The following SGPL1 variants were observed in gnomAD, a reference collection of about 807,000 sequenced individuals.
The protein encoded by SGPL1 is SP-lyase 1.
A neutral mutation model predicts 68.9 loss-of-function variants in SGPL1; 37 were observed. That is an observed-to-expected ratio of 0.54 (90% CI 0.41 to 0.71). The LOEUF (loss-of-function observed/expected upper bound fraction) is 0.71, where lower values mean the gene tolerates loss of function less well. Ranked by LOEUF, SGPL1 falls within the 30% of genes least tolerant of loss-of-function variation. The probability of loss-of-function intolerance (pLI) is 0.00; values close to 1 mark genes in which losing one functional copy is unlikely to be tolerated. For synonymous variants in SGPL1, 236 were observed against 248.5 expected, an observed-to-expected ratio of 0.95 and a Z score of 0.47; for missense variants, 551 against 704.6, an observed-to-expected ratio of 0.78 and a Z score of 2.47.
At chr10:70,852,262 G>A (rs1415769724) in intron 4 of SGPL1, among the ~76,000 whole-genome samples, 1 of 152,138 alleles carries the variant, frequency 6.6e-6, no homozygotes, top group East Asian at 1.9e-4. Context: ...TTAACCTTTG[G>A]CTGAAATCCA....
chr10:70,870,940 C>A, intron 9 of SGPL1, 108 bp from the exon 10 acceptor site: 1 of 803,698 alleles, frequency 1.2e-6, no homozygotes, highest in Non-Finnish European at 2.1e-6. Context: ...GGAGGGGGTA[C>A]TGGTGGAACT....
chr10:70,854,603 C>T, intron 4 of SGPL1, 105 bp from the exon 5 acceptor site: 1 of 911,898 alleles, frequency 1.1e-6, no homozygotes, highest in Non-Finnish European at 1.7e-6. Context: ...AGTTTAGTTA[C>T]TTGTGCGGTG....
chr10:70,850,148 C>T (rs576491735), intron 3 of SGPL1, among the ~76,000 whole-genome samples: 6 of 152,194 alleles, frequency 3.9e-5, no homozygotes, highest in Middle Eastern at 3.2e-3. Context: ...TACTGCCTGA[C>T]AGAGTGGACT....
chr10:70,819,169 T>A (rs186115381), intron 2 of SGPL1, among the ~76,000 whole-genome samples: 14 of 152,364 alleles, frequency 9.2e-5, no homozygotes, highest in African/African-American at 3.4e-4. Flanking sequence ...GAATATTAAC[T>A]TTGGAATCAG....
At chr10:70,856,589 TA>T in intron 5 of SGPL1, among the ~76,000 whole-genome samples, 1 of 152,334 alleles carries the variant, frequency 6.6e-6, no homozygotes, top group Non-Finnish European at 1.5e-5. Flanking sequence ...AAGCTGTGTA[TA>T]GTACAGAGCA....
At chr10:70,874,779 T>C (rs1355462301) in intron 12 of SGPL1, among the ~76,000 whole-genome samples, 1 of 152,160 alleles carries the variant, frequency 6.6e-6, no homozygotes, top group Non-Finnish European at 1.5e-5. Context: ...TGTGCACCTT[T>C]GGTCCCAGCT....
intron 2 of SGPL1, among the ~76,000 whole-genome samples, chr10:70,817,565 G>A (rs1296647252): frequency 6.6e-6 from 1 of 152,200 alleles, no homozygotes; most frequent in Non-Finnish European, 1.5e-5. Flanking sequence ...AGCCTCTGGA[G>A]TAGCTAGGAC....
intron 3 of SGPL1, 148 bp from the exon 4 acceptor site, chr10:70,850,995 T>G: frequency 1.6e-6 from 1 of 632,950 alleles, no homozygotes; most frequent in Non-Finnish European, 2.8e-6. Context: ...CAAACTTAAA[T>G]TTAAAAGTTT....
intron 7 of SGPL1, chr10:70,866,323 A>C: frequency 6.6e-6 from 1 of 151,890 alleles, no homozygotes; most frequent in Non-Finnish European, 1.5e-5. Flanking sequence ...GGAGGTGGAG[A>C]TTGCAGTGAG....
At chr10:70,817,644 G>A (rs926016280) in intron 2 of SGPL1, among the ~76,000 whole-genome samples, 3 of 152,064 alleles carry the variant, frequency 2.0e-5, no homozygotes, top group East Asian at 3.9e-4. Flanking sequence ...CTCCCTTCCC[G>A]TACTACCAGA....
At chr10:70,857,807 T>C (rs1337275334) in intron 6 of SGPL1, 117 bp downstream of exon 6, 2 of 576,248 alleles carry the variant, frequency 3.5e-6, no homozygotes, top group Non-Finnish European at 6.0e-6. Context: ...ATTGGTACAA[T>C]AAAACCATAA....
intron 2 of SGPL1, among the ~76,000 whole-genome samples, chr10:70,833,010 C>G (rs1250189586): frequency 1.3e-5 from 2 of 152,192 alleles, no homozygotes; most frequent in Non-Finnish European, 2.9e-5. Flanking sequence ...GATGCCTTGT[C>G]CTGACCACAA....
At position 70,857,617 on chromosome 10, in the gene SGPL1, C is replaced by A. The variant is rs748229676; in HGVS notation, c.413C>A (p.Ala138Asp). ...EKLKEYSSMD[A>D]FWQEGRASGT... is the part of the protein sequence containing the mutation. ...GTGACCTTACCTTTCTCTGCAGACG[C>A]CTTCTGGCAAGAGGGGAGAGCCTCT... Residue 138 changes from alanine to aspartate, a missense_variant, in exon 6 of 15, where the codon GCC becomes GAC. Physicochemically the swap from Ala to Asp is moderately radical, Grantham distance 126. Transcript: ENST00000373202. The A allele has an allele frequency of 6.2e-7, 1 of 1,613,000 alleles. No homozygotes were observed. The highest frequency in any genetic ancestry group is 1.1e-5 in the South Asian group (1 of 91,048).
intron 2 of SGPL1, among the ~76,000 whole-genome samples, chr10:70,835,748 A>AG (rs2131869769): frequency 6.6e-6 from 1 of 151,930 alleles, no homozygotes; most frequent in East Asian, 1.9e-4. Flanking sequence ...AAAAAAAAAA[A>AG]AAAAAGAAAT....
At chr10:70,828,004 A>G (rs1337663059) in intron 2 of SGPL1, among the ~76,000 whole-genome samples, 2 of 152,216 alleles carry the variant, frequency 1.3e-5, no homozygotes, top group African/African-American at 2.4e-5. Context: ...GTTACAATGT[A>G]TAACTATATT....
chr10:70,858,976 G>A (rs1439458490), intron 6 of SGPL1, among the ~76,000 whole-genome samples: 1 of 152,196 alleles, frequency 6.6e-6, no homozygotes, highest in East Asian at 1.9e-4. Context: ...ACTCTACTAA[G>A]TGCTTCACAT....
At chr10:70,865,212 CTT>C (rs199971329) in intron 7 of SGPL1, among the ~76,000 whole-genome samples, 2 of 146,830 alleles carry the variant, frequency 1.4e-5, no homozygotes. Flanking sequence ...TTCACTGTTT[CTT>C]TTTTTTTTTT....
rs1004529680 is a variant in SGPL1, at chr10:70,877,492, C to T, written c.*157C>T. 3.5e-6 allele frequency: 2 copies of T among 576,742 alleles called. No individual in the cohort carries two copies. The highest frequency in any genetic ancestry group is 6.9e-5 in the South Asian group (2 of 29,118). 35.7% of individuals were successfully genotyped at this position (576,742 alleles called of 1,614,324 possible). A position where few individuals can be genotyped will look rare whatever the true frequency, so the allele number is the denominator to read the frequency against. ...TTGAGCCTCAGGATTCTTGTTCTTC[C>T]TCTTATCTTCCTTTTGTGGTTTTTA... On this transcript the variant is annotated 3_prime_UTR_variant, in exon 15 of 15. Transcript: ENST00000373202.
rs116068096 is a variant in SGPL1, at chr10:70,876,949, A to G, written c.1567-246A>G. Among the ~76,000 whole-genome samples the G allele has an allele frequency of 2.0e-3, 309 of 152,332 alleles. 1 individual carries two copies. The highest frequency in any genetic ancestry group is 7.2e-3 in the African/African-American group (299 of 41,564). On this transcript the variant is annotated intron_variant, in intron 14 of 14. Transcript: ENST00000373202. The stretch of plus-strand genomic sequence containing the variant: ...AATTTTGTCACAGGAAAGATAGTAA[A>G]CATGTTTTTTCTGGAATTTTCTTAG...
Sources: allele counts gnomAD v4.1 joint callset (sites outside exome capture counted in the v4.1 genomes callset), GRCh38; gene constraint gnomAD v4.1.1; transcripts MANE v1.5; gene names NCBI Gene and HGNC (gene_info 2026-07-23, HGNC 2026-07-21).